Variants in IRS2 observed in about 807,000 individuals in gnomAD.
IRS2 encodes the protein insulin receptor substrate 2.
Under a neutral mutation model 70.9 loss-of-function variants are expected in IRS2, and 28 were observed. That is an observed-to-expected ratio of 0.39 (90% CI 0.29 to 0.54). The LOEUF is 0.54. Ranked by LOEUF, IRS2 falls within the 20% of genes least tolerant of loss-of-function variation. The pLI is 0.59. For missense variants in IRS2, 2,081 were observed against 2,024.1 expected (o/e 1.03, Z -0.54); for synonymous variants, 1,217 against 981.9 (o/e 1.24, Z -4.48).
At position 109,783,693 on chromosome 13, in the gene IRS2, G is replaced by A. The variant is rs749090577; in HGVS notation, c.2361C>T (p.Ala787=). The change falls in exon 1 of 2, where the codon GCC becomes GCT. Residue 787 remains alanine, a synonymous_variant. Coordinates refer to ENST00000375856, the MANE Select transcript of IRS2 (RefSeq NM_003749.3). ...TGAGCGGCTCCCCGCCGGGGTGCAG[G>A]GCTGCGGAGAAGAAGTCGGGCGGGG... ...TGTPPDFFSA[A]LHPGGEPLRG... 25 of 1,563,416 alleles carry A rather than the reference G, an allele frequency of 1.6e-5. 1 individual carries two copies. Among genetic ancestry groups the A allele is most frequent in the East Asian group, 1.2e-4 (5 of 41,892 alleles).
chr13:109,760,498 C>A (rs780533328), intron 1 of IRS2, among the ~76,000 whole-genome samples: 2 of 152,190 alleles, frequency 1.3e-5, no homozygotes, highest in Non-Finnish European at 2.9e-5. Flanking sequence ...ATAAAACCAA[C>A]AAACAAAAAC....
intron 1 of IRS2, among the ~76,000 whole-genome samples, chr13:109,772,942 G>A (rs912969567): frequency 2.0e-5 from 3 of 151,848 alleles, no homozygotes; most frequent in East Asian, 3.9e-4. Flanking sequence ...TGATCCACCC[G>A]CCTCGGCCTC....
Position 109,755,127 on chromosome 13 carries a change from T to C in IRS2, c.*1177A>G. 8.6e-6 allele frequency: 2 copies of C among 232,370 alleles called. No individual in the cohort carries two copies. Among genetic ancestry groups the C allele is most frequent in the Middle Eastern group, 1.3e-3 (1 of 776 alleles). The allele number at this position is 232,370 out of a possible 1,614,324, so 14.4% of individuals were successfully genotyped here. On this transcript the variant is annotated 3_prime_UTR_variant, in exon 2 of 2. Transcript: ENST00000375856. ...TCCGGAATTTTTTCGACAAGTAACA[T>C]GTACTGCGAGATTGCTTTTCTTCTT...
At position 109,782,861 on chromosome 13, in the gene IRS2, C is replaced by A. The variant is rs1359365157; in HGVS notation, c.3193G>T (p.Asp1065Tyr). The A allele has an allele frequency of 8.2e-6, 13 of 1,577,736 alleles. No homozygotes were observed. Among genetic ancestry groups the A allele is most frequent in the Non-Finnish European group, 1.0e-5 (12 of 1,162,786 alleles). The part of the protein sequence containing the change: ...GPGAASSLSS[D>Y]TGDNGDYTEM... ...GTGTAGTCACCATTGTCCCCGGTGT[C>A]CGAGGACAACGATGAGGCGGCGCCC... is the stretch of plus-strand genomic sequence containing the variant. Residue 1065 changes from aspartate to tyrosine, a missense_variant, in exon 1 of 2, where the codon GAC becomes TAC. Coordinates refer to ENST00000375856, the MANE Select transcript of IRS2 (RefSeq NM_003749.3).
rs117443874 is a variant in IRS2 at position 109,766,961 on chromosome 13, T to C, written c.4013-10653A>G. Among the ~76,000 whole-genome samples, 70 of 152,386 alleles carry C rather than the reference T, an allele frequency of 4.6e-4. No individual in the cohort carries two copies. The East Asian group carries it at 0.012, about 25-fold the overall frequency. On this transcript the variant is annotated intron_variant, in intron 1 of 1. Coordinates refer to ENST00000375856, the MANE Select transcript of IRS2 (RefSeq NM_003749.3). ...CTAAGCAGAGGAAACATACATTCTT[T>C]AGCCTCGGTAGAACCTAAAATGGCA...
chr13:109,784,890 G>C lies in IRS2; in HGVS notation c.1164C>G (p.Ser388Arg). Residue 388 changes from serine (S) to arginine (R), a missense_variant, in exon 1 of 2, where the codon AGC becomes AGG. Ser to Arg is a moderately radical substitution (Grantham distance 110). Around this residue, in one of 4 missense-constraint regions of IRS2, gnomAD observed 1,615 missense variants for 1,459.5 expected, o/e 1.11. Transcript: ENST00000375856. The surrounding 1 kb of genome is among the most constrained non-coding windows in gnomAD (Gnocchi z 5.2). The stretch of plus-strand genomic sequence containing the variant: ...CGCGCACCGGCCCGGGGCTCAGGGG[G>C]CTCCCAGCCACCGACACCGGCCTGG... ...AGARPVSVAG[S>R]PLSPGPVRAP... 1 of 1,088,970 alleles carries C rather than the reference G, an allele frequency of 9.2e-7. No individual in the cohort carries two copies. Among genetic ancestry groups the C allele is most frequent in the Non-Finnish European group, 1.1e-6 (1 of 895,514 alleles). 67.5% of individuals were successfully genotyped at this position (1,088,970 alleles called of 1,614,324 possible).
Position 109,782,221 on chromosome 13 carries a change from G to GGCTGAGGAA in IRS2, c.3824_3832dup (p.Leu1275_Gln1277dup). ...CCGGCCCCAGGAGCTCTTGTCTCCCGGCTGAGGAAGCGGCGGCGGCGGCGG... is the reference window on the plus strand; with the variant it reads ...CCGGCCCCAGGAGCTCTTGTCTCCCGGCTGAGGAAGCTGAGGAAGCGGCGGCGGCGGCGG... On this transcript the variant is annotated inframe_insertion, in exon 1 of 2. Coordinates refer to ENST00000375856, the MANE Select transcript of IRS2 (RefSeq NM_003749.3). 6 of 1,607,440 alleles carry GGCTGAGGAA rather than the reference G, an allele frequency of 3.7e-6. No homozygotes were observed. Among genetic ancestry groups the GGCTGAGGAA allele is most frequent in the Non-Finnish European group, 5.1e-6 (6 of 1,177,284 alleles).
In IRS2 at chr13:109,754,773, A is replaced by C. The variant is rs1243575166; in HGVS notation, c.*1531T>G. The C allele has an allele frequency of 5.2e-6, 1 of 193,616 alleles. No individual in the cohort carries two copies. The highest frequency in any genetic ancestry group is 2.3e-5 in the African/African-American group (1 of 43,112). 12.0% of individuals were successfully genotyped at this position (193,616 alleles called of 1,614,324 possible). On this transcript the variant is annotated 3_prime_UTR_variant, in exon 2 of 2. Coordinates refer to ENST00000375856, the MANE Select transcript of IRS2 (RefSeq NM_003749.3). ...CATTGAATTTTTTGGTCTTCCTCTA[A>C]AAAAGCCTCATTTTATTAATGCATT...
rs775792124 is a variant in IRS2 at position 109,783,618 on chromosome 13, G to A, written c.2436C>T (p.Ala812=). The stretch of plus-strand genomic sequence containing the variant: ...CGCTGTCCCCGCCACAGGTGTAGGG[G>A]GCCTTGTAGGAGCGGGGCAAGGAGC... ...CYSSLPRSYK[A]PYTCGGDSDQ... The change falls in exon 1 of 2, where the codon GCC becomes GCT. Residue 812 remains alanine, a synonymous_variant. Transcript: ENST00000375856. 1.8e-5 allele frequency: 28 copies of A among 1,549,526 alleles called. No individual in the cohort carries two copies. In the East Asian group the frequency reaches 1.9e-4, roughly 11 times the overall value.
chr13:109,785,817 C>A lies in IRS2; in HGVS notation c.237G>T (p.Glu79Asp). 6.3e-7 allele frequency: 1 copy of A among 1,577,786 alleles called. No individual in the cohort carries two copies. The change falls in exon 1 of 2, where the codon GAG becomes GAT. Residue 79 changes from glutamate to aspartate, a missense_variant. Glu to Asp is a conservative substitution (Grantham distance 45, BLOSUM62 2). Around this residue, in one of 4 missense-constraint regions of IRS2, gnomAD observed 320 missense variants for 352.9 expected, o/e 0.91. Coordinates refer to ENST00000375856, the MANE Select transcript of IRS2 (RefSeq NM_003749.3). The surrounding 1 kb of genome is among the most constrained non-coding windows in gnomAD (Gnocchi z 9.3). ...CGCCTGCCTTGCTCCGCCACTTTTTCTCGCTCTCGTAGTACTCGAGCCGCG... is the reference window on the plus strand; with the variant it reads ...CGCCTGCCTTGCTCCGCCACTTTTTATCGCTCTCGTAGTACTCGAGCCGCG... ...QPPRLEYYES[E>D]KKWRSKAGAP...
intron 1 of IRS2, among the ~76,000 whole-genome samples, chr13:109,779,742 A>G (rs905211077): frequency 6.6e-5 from 10 of 152,184 alleles, no homozygotes; most frequent in African/African-American, 2.4e-4. Flanking sequence ...AAGAGGGTTC[A>G]TCATGATACC....
At chr13:109,764,425 GT>G (rs1346237557) in intron 1 of IRS2, among the ~76,000 whole-genome samples, 1 of 152,192 alleles carries the variant, frequency 6.6e-6, no homozygotes, top group Non-Finnish European at 1.5e-5. Context: ...CCCCAGTGGA[GT>G]CACAGGGAAC....
At position 109,784,854 on chromosome 13, in the gene IRS2, G is replaced by A. The variant is rs1460208972; in HGVS notation, c.1200C>T (p.Ser400=). The change falls in exon 1 of 2, where the codon AGC becomes AGT. Residue 400 remains serine, a synonymous_variant. Coordinates refer to ENST00000375856, the MANE Select transcript of IRS2 (RefSeq NM_003749.3). This position sits in a 1 kb window ranked among gnomAD's most constrained non-coding sequence, Gnocchi z 5.2. ...AGCCGCCGCTCAGGGTGTGCGAGCG[G>A]CTCAGGGGCGCGCGCACCGGCCCGG... ...LSPGPVRAPL[S]RSHTLSGGCG... is the part of the protein sequence containing the mutation. 1 of 1,161,044 alleles carries A rather than the reference G, an allele frequency of 8.6e-7. No homozygotes were observed. Among genetic ancestry groups the A allele is most frequent in the African/African-American group, 1.6e-5 (1 of 61,236 alleles). 71.9% of individuals were successfully genotyped at this position (1,161,044 alleles called of 1,614,324 possible). A position where few individuals can be genotyped will look rare whatever the true frequency, so the allele number is the denominator to read the frequency against.
rs1207837593 is a variant in IRS2, at chr13:109,784,848, C to T, written c.1206G>A (p.Ser402=). The T allele has an allele frequency of 3.2e-6, 4 of 1,230,788 alleles. No individual in the cohort carries two copies. The highest frequency in any genetic ancestry group is 3.1e-6 in the Non-Finnish European group (3 of 975,582). The allele number at this position is 1,230,788 out of a possible 1,614,324, so 76.2% of individuals were successfully genotyped here. A position where few individuals can be genotyped will look rare whatever the true frequency, so the allele number is the denominator to read the frequency against. The part of the protein sequence containing the change: ...PGPVRAPLSR[S]HTLSGGCGGR... ...CGCCGCAGCCGCCGCTCAGGGTGTG[C>T]GAGCGGCTCAGGGGCGCGCGCACCG... Residue 402 remains serine, a synonymous_variant, in exon 1 of 2, where the codon TCG becomes TCA. Coordinates refer to ENST00000375856, the MANE Select transcript of IRS2 (RefSeq NM_003749.3). The surrounding 1 kb of genome is among the most constrained non-coding windows in gnomAD (Gnocchi z 5.2).
Position 109,782,330 on chromosome 13 carries a change from C to T in IRS2, c.3724G>A (p.Glu1242Lys), listed in dbSNP as rs749880305. ...PGSGGSPMRR[E>K]TSAGFQNGLN... is the part of the protein sequence containing the mutation. ...CCATTCTGGAAGCCGGCAGAGGTCT[C>T]TCTGCGCATGGGCGATCCACCGCTC... Residue 1242 changes from glutamate (E) to lysine (K), a missense_variant, in exon 1 of 2, where the codon GAG becomes AAG. Coordinates refer to ENST00000375856, the MANE Select transcript of IRS2 (RefSeq NM_003749.3). The T allele has an allele frequency of 1.2e-6, 2 of 1,611,720 alleles. No homozygotes were observed.
In IRS2 at chr13:109,785,116, G is replaced by A. The variant is rs2138937547; in HGVS notation, c.938C>T (p.Ala313Val). The change falls in exon 1 of 2, where the codon GCC (alanine) becomes GTC (valine). Residue 313 changes from alanine (A) to valine (V), a missense_variant. This residue lies in a region of IRS2 where 111 missense variants were observed against 133.1 expected (regional missense o/e 0.83). Coordinates refer to ENST00000375856, the MANE Select transcript of IRS2 (RefSeq NM_003749.3). The surrounding 1 kb of genome is among the most constrained non-coding windows in gnomAD (Gnocchi z 9.3). ...RSKSQSSGSS[A>V]THPISVPGAR... ...GCCGGGGACGCTGATGGGGTGCGTGGCCGACGACCCCGACGATTGGCTCTT... is the reference window on the plus strand; with the variant it reads ...GCCGGGGACGCTGATGGGGTGCGTGACCGACGACCCCGACGATTGGCTCTT... The A allele has an allele frequency of 6.3e-7, 1 of 1,592,334 alleles. No individual in the cohort carries two copies. The highest frequency in any genetic ancestry group is 1.1e-5 in the South Asian group (1 of 88,088).
intron 1 of IRS2, among the ~76,000 whole-genome samples, chr13:109,758,925 AAGG>A (rs1007509445): frequency 6.7e-6 from 1 of 150,032 alleles, no homozygotes; most frequent in African/African-American, 2.4e-5. Context: ...AAAAAAAAAG[AAGG>A]AGGGAGGAAG....
In IRS2 at chr13:109,784,987, C is replaced by A. The variant is rs890137401; in HGVS notation, c.1067G>T (p.Cys356Phe). The change falls in exon 1 of 2, where the codon TGC becomes TTC. Residue 356 changes from cysteine to phenylalanine, a missense_variant. By Grantham distance (205) the Cys-to-Phe change is radical (BLOSUM62 -2). Transcript: ENST00000375856. This position sits in a 1 kb window ranked among gnomAD's most constrained non-coding sequence, Gnocchi z 5.2. ...SLAATPPAAK[C>F]SSCRVRTASE... ...GGCGGTGCGCACCCGGCACGAGCTGCACTTGGCCGCCGGCGGGGTGGCGGC... is the reference window on the plus strand; with the variant it reads ...GGCGGTGCGCACCCGGCACGAGCTGAACTTGGCCGCCGGCGGGGTGGCGGC... 3.6e-6 allele frequency: 5 copies of A among 1,399,660 alleles called. No homozygotes were observed. The highest frequency in any genetic ancestry group is 4.6e-6 in the Non-Finnish European group (5 of 1,083,330). The allele number at this position is 1,399,660 out of a possible 1,614,324, so 86.7% of individuals were successfully genotyped here.
chr13:109,785,965 C>G lies in IRS2; in HGVS notation c.89G>C (p.Ser30Thr). ...GCGCAGGTAGCCGCACTTGCGCACG[C>G]TGTGGTTGTTGTTGTTGTTGTTGTT... Reference protein sequence around the residue: ...LNNNNNNNNHSVRKCGYLRKQ... With the variant: ...LNNNNNNNNHTVRKCGYLRKQ... The change falls in exon 1 of 2, where the codon AGC becomes ACC. Residue 30 changes from serine to threonine, a missense_variant. By Grantham distance (58) the Ser-to-Thr change is moderately conservative. Around this residue, in one of 4 missense-constraint regions of IRS2, gnomAD observed 320 missense variants for 352.9 expected, o/e 0.91. Coordinates refer to ENST00000375856, the MANE Select transcript of IRS2 (RefSeq NM_003749.3). The surrounding 1 kb of genome is among the most constrained non-coding windows in gnomAD (Gnocchi z 9.3). The G allele has an allele frequency of 2.0e-6, 3 of 1,496,836 alleles. No individual in the cohort carries two copies. Among genetic ancestry groups the G allele is most frequent in the Non-Finnish European group, 2.7e-6 (3 of 1,129,038 alleles). 92.7% of individuals were successfully genotyped at this position (1,496,836 alleles called of 1,614,324 possible). A position where few individuals can be genotyped will look rare whatever the true frequency, so the allele number is the denominator to read the frequency against.
Sources: gnomAD v4.1 joint callset for allele counts (sites outside exome capture counted in the v4.1 genomes callset) on GRCh38, gnomAD v4.1.1 for gene constraint, gnomAD v4.1.1 regional missense constraint, Gnocchi (gnomAD v3.1) non-coding constraint, MANE v1.5 for transcripts, NCBI Gene and HGNC (gene_info 2026-07-23, HGNC 2026-07-21) for gene names.